NRG3: variants seen among roughly 807,000 people sequenced by gnomAD.
NRG3 encodes pro-neuregulin-3, membrane-bound isoform.
In NRG3, 31 loss-of-function variants were observed where a neutral mutation model predicts 66.9. The observed-to-expected ratio is 0.46, with a 90% CI of 0.35 to 0.63. The LOEUF (loss-of-function observed/expected upper bound fraction) is 0.63. NRG3 is among the 20% of genes least tolerant of loss of function. The probability of loss-of-function intolerance (pLI) is 0.00; values close to 1 mark genes in which losing one functional copy is unlikely to be tolerated. For synonymous variants in NRG3, 393 were observed against 359.4 expected, an observed-to-expected ratio of 1.09 and a Z score of -1.06; for missense variants, 910 against 878.9, an observed-to-expected ratio of 1.04 and a Z score of -0.45.
At chr10:82,763,637 G>C (rs1188096675) in intron 3 of NRG3, among the ~76,000 whole-genome samples, 2 of 151,716 alleles carry the variant, frequency 1.3e-5, no homozygotes, top group East Asian at 3.9e-4. Flanking sequence ...CAAGATAAAT[G>C]AGAAACAACT....
At chr10:82,104,643 G>A (rs1471980603) in intron 1 of NRG3, among the ~76,000 whole-genome samples, 1 of 152,194 alleles carries the variant, frequency 6.6e-6, no homozygotes, top group African/African-American at 2.4e-5. Flanking sequence ...ATGAACAATT[G>A]TGGATATTAT....
intron 2 of NRG3, among the ~76,000 whole-genome samples, chr10:82,428,111 A>C (rs1166154193): frequency 4.6e-5 from 7 of 151,848 alleles, no homozygotes; most frequent in Non-Finnish European, 8.8e-5. Context: ...TCTAGTTAAA[A>C]ATTTTTCAAT....
chr10:82,891,653 T>G (rs892720485), intron 4 of NRG3, among the ~76,000 whole-genome samples: 11 of 152,114 alleles, frequency 7.2e-5, no homozygotes, highest in Non-Finnish European at 1.0e-4. Flanking sequence ...TTGTTACTCT[T>G]ACTTATTACA....
intron 1 of NRG3, among the ~76,000 whole-genome samples, chr10:82,176,031 C>T (rs1055814495): frequency 3.9e-5 from 6 of 152,132 alleles, no homozygotes; most frequent in Non-Finnish European, 8.8e-5. Flanking sequence ...GAATTGAAAA[C>T]GTGTTCATAA....
chr10:81,971,002 T>C (rs1270345972), intron 1 of NRG3, among the ~76,000 whole-genome samples: 1 of 152,124 alleles, frequency 6.6e-6, no homozygotes, highest in Non-Finnish European at 1.5e-5. Flanking sequence ...TAGTTGGGCA[T>C]GGTGGTGGGC....
intron 2 of NRG3, among the ~76,000 whole-genome samples, chr10:82,719,818 C>G (rs2057189019): frequency 6.6e-6 from 1 of 152,110 alleles, no homozygotes. Flanking sequence ...ATTAAATTTT[C>G]TCATTTCAGA....
chr10:82,932,448 G>A (rs532579580), intron 4 of NRG3, among the ~76,000 whole-genome samples: 2 of 152,306 alleles, frequency 1.3e-5, no homozygotes, highest in South Asian at 4.1e-4. Flanking sequence ...TTAATTGAAT[G>A]TTCTCTTAAT....
At chr10:82,435,779 CTTTT>C (rs1158502018) in intron 2 of NRG3, among the ~76,000 whole-genome samples, 1 of 108,266 alleles carries the variant, frequency 9.2e-6, no homozygotes, top group Non-Finnish European at 1.9e-5. Context: ...CTTTTCTTTT[CTTTT>C]TTTTTTTTTT....
At chr10:82,755,669 T>C (rs367605408) in intron 3 of NRG3, among the ~76,000 whole-genome samples, 10 of 152,246 alleles carry the variant, frequency 6.6e-5, no homozygotes, top group African/African-American at 2.4e-4. Flanking sequence ...GGAAACAGGA[T>C]TATCTGCTGA....
intron 2 of NRG3, among the ~76,000 whole-genome samples, chr10:82,569,970 C>T (rs568516000): frequency 1.3e-5 from 2 of 151,594 alleles, no homozygotes; most frequent in African/African-American, 4.8e-5. Context: ...ATGGCACAAC[C>T]ACTTTCTTAG....
chr10:82,767,873 T>TTC (rs61249173), intron 3 of NRG3, among the ~76,000 whole-genome samples: 22,889 of 147,412 alleles, frequency 0.16, 3,535 homozygotes, highest in African/African-American at 0.41. Flanking sequence ...ATTATCTCTG[T>TTC]TCTCTCTCTC....
chr10:82,521,242 C>T (rs777910310), intron 2 of NRG3, among the ~76,000 whole-genome samples: 8 of 152,150 alleles, frequency 5.3e-5, no homozygotes, highest in Non-Finnish European at 1.0e-4. Flanking sequence ...ATCATCTGAG[C>T]TTTCAGGGAG....
At chr10:81,984,389 C>A (rs1000189917) in intron 1 of NRG3, among the ~76,000 whole-genome samples, 44 of 152,158 alleles carry the variant, frequency 2.9e-4, no homozygotes, top group African/African-American at 8.9e-4. Flanking sequence ...TAATTGTAAT[C>A]CTTCCTTCCG....
chr10:82,176,515 C>G (rs547527163), intron 1 of NRG3, among the ~76,000 whole-genome samples: 1 of 152,072 alleles, frequency 6.6e-6, no homozygotes, highest in Non-Finnish European at 1.5e-5. Context: ...TGCCCAAACA[C>G]GTAGGCTACC....
At chr10:82,389,561 G>GA (rs1185497713) in intron 2 of NRG3, among the ~76,000 whole-genome samples, 8 of 152,086 alleles carry the variant, frequency 5.3e-5, no homozygotes, top group Admixed American at 4.6e-4. Flanking sequence ...TTAACAGGAA[G>GA]AAAAAAATAC....
At chr10:82,346,517 T>C (rs1003391624) in intron 1 of NRG3, among the ~76,000 whole-genome samples, 1 of 151,964 alleles carries the variant, frequency 6.6e-6, no homozygotes. Context: ...GATATTGGTC[T>C]AAAATTCTCT....
intron 1 of NRG3, among the ~76,000 whole-genome samples, chr10:82,214,223 T>G (rs1589340278): frequency 6.6e-6 from 1 of 152,000 alleles, no homozygotes; most frequent in Non-Finnish European, 1.5e-5. Flanking sequence ...TTATCTTGAG[T>G]TTCATGTCTT....
chr10:82,775,865 C>T (rs2135224140), intron 3 of NRG3, among the ~76,000 whole-genome samples: 1 of 152,192 alleles, frequency 6.6e-6, no homozygotes, highest in South Asian at 2.1e-4. Flanking sequence ...TTTGTTGTCA[C>T]AATTTACATC....
chr10:82,424,178 A>G (rs2089267718), intron 2 of NRG3, among the ~76,000 whole-genome samples: 1 of 152,066 alleles, frequency 6.6e-6, no homozygotes, highest in African/African-American at 2.4e-5. Flanking sequence ...TTGCTGGATC[A>G]CATGGTAATT....
Sources: allele counts gnomAD v4.1 joint callset (sites outside exome capture counted in the v4.1 genomes callset), GRCh38; gene constraint gnomAD v4.1.1; transcripts MANE v1.5; gene names NCBI Gene and HGNC (gene_info 2026-07-23, HGNC 2026-07-21).